The following CNTN6 variants were observed in gnomAD, a reference collection of about 807,000 sequenced individuals.
CNTN6 encodes contactin 6, also known as contactin-6.
CNTN6 carries 137 observed loss-of-function variants against 122.8 expected under a neutral mutation model. The observed-to-expected ratio is 1.12, with a 90% CI of 0.97 to 1.29. The LOEUF (loss-of-function observed/expected upper bound fraction) is 1.29. Ranked by LOEUF, CNTN6 falls within the 50% of genes most tolerant of loss-of-function variation. The pLI is 0.00. For missense variants in CNTN6, 1,634 were observed against 1,223.4 expected (o/e 1.34, Z -5.01); for synonymous variants, 570 against 426.0 (o/e 1.34, Z -4.16).
chr3:1,394,124 G>A, intron 20 of CNTN6: 1 of 171,764 alleles, frequency 5.8e-6, no homozygotes. Flanking sequence ...CGGTCTCATT[G>A]GAGTACTGAG....
At chr3:1,292,223 T>C (rs1440151419) in intron 5 of CNTN6, among the ~76,000 whole-genome samples, 1 of 152,132 alleles carries the variant, frequency 6.6e-6, no homozygotes, top group Non-Finnish European at 1.5e-5. Flanking sequence ...TTCTGGACAT[T>C]GATAGAGAGG....
At chr3:1,115,768 T>C (rs973990442) in intron 1 of CNTN6, among the ~76,000 whole-genome samples, 26 of 151,568 alleles carry the variant, frequency 1.7e-4, no homozygotes, top group Admixed American at 1.1e-3. Flanking sequence ...AATAAATAAA[T>C]AAACAAACAA....
intron 2 of CNTN6, among the ~76,000 whole-genome samples, chr3:1,164,243 G>C (rs1307754152): frequency 1.3e-5 from 2 of 152,190 alleles, no homozygotes; most frequent in African/African-American, 2.4e-5. Context: ...CAGTTTTAGA[G>C]GCAACAGTTC....
intron 1 of CNTN6, among the ~76,000 whole-genome samples, chr3:1,133,241 T>C (rs927804838): frequency 2.0e-5 from 3 of 152,146 alleles, no homozygotes; most frequent in Non-Finnish European, 2.9e-5. Flanking sequence ...TGATAAAAAT[T>C]AGAGAATTCC....
chr3:1,399,492 T>C (rs1339604154), intron 20 of CNTN6, among the ~76,000 whole-genome samples: 1 of 152,112 alleles, frequency 6.6e-6, no homozygotes, highest in Non-Finnish European at 1.5e-5. Context: ...GGGTTTATAT[T>C]GTCAAGAAAT....
chr3:1,308,287 T>TTGTGTG (rs113198519), intron 7 of CNTN6, among the ~76,000 whole-genome samples: 19,755 of 144,758 alleles, frequency 0.14, 1,755 homozygotes, highest in East Asian at 0.43. Context: ...ATGGGGTGTT[T>TTGTGTG]TGTGTGTGTG....
intron 1 of CNTN6, among the ~76,000 whole-genome samples, chr3:1,127,559 C>T (rs929668741): frequency 1.3e-5 from 2 of 151,806 alleles, no homozygotes; most frequent in Non-Finnish European, 2.9e-5. Flanking sequence ...ATAACACTAG[C>T]CAATAATTTG....
chr3:1,187,509 T>G (rs1327284119), intron 2 of CNTN6, among the ~76,000 whole-genome samples: 2 of 152,144 alleles, frequency 1.3e-5, no homozygotes, highest in South Asian at 4.1e-4. Flanking sequence ...GTCCTGGTGT[T>G]ATTCTCCAAG....
At chr3:1,343,006 A>G (rs78369742) in intron 11 of CNTN6, among the ~76,000 whole-genome samples, 3,344 of 152,186 alleles carry the variant, frequency 0.022, 138 homozygotes, top group African/African-American at 0.076. Flanking sequence ...TAAGAGAGTG[A>G]GACCGGACAC....
intron 7 of CNTN6, among the ~76,000 whole-genome samples, chr3:1,320,034 G>T (rs536633263): frequency 6.6e-6 from 1 of 151,340 alleles, no homozygotes; most frequent in African/African-American, 2.4e-5. Flanking sequence ...CGTTCTTATT[G>T]GTTAGTATGC....
chr3:1,372,247 A>AC, intron 12 of CNTN6, 52 bp from the exon 13 acceptor site: 1 of 1,390,760 alleles, frequency 7.2e-7, no homozygotes, highest in Non-Finnish European at 9.8e-7. Flanking sequence ...GTATTTTATA[A>AC]CCATAGGCTA....
chr3:1,259,864 C>T (rs943501904), intron 4 of CNTN6, among the ~76,000 whole-genome samples: 1 of 149,002 alleles, frequency 6.7e-6, no homozygotes, highest in Non-Finnish European at 1.5e-5. Context: ...TATACATACA[C>T]ACACATACAT....
intron 11 of CNTN6, among the ~76,000 whole-genome samples, chr3:1,332,277 T>G (rs192377350): frequency 1.3e-5 from 2 of 152,082 alleles, no homozygotes; most frequent in Admixed American, 1.3e-4. Flanking sequence ...TGAGTCTATG[T>G]CCCTGCACAC....
intron 1 of CNTN6, among the ~76,000 whole-genome samples, chr3:1,093,675 G>T (rs995065930): frequency 6.6e-6 from 1 of 152,144 alleles, no homozygotes; most frequent in Non-Finnish European, 1.5e-5. Flanking sequence ...ACCAAATTTT[G>T]TCTGGCATTT....
chr3:1,356,217 C>T (rs1706530285), intron 12 of CNTN6, among the ~76,000 whole-genome samples: 1 of 151,746 alleles, frequency 6.6e-6, no homozygotes, highest in African/African-American at 2.4e-5. Context: ...TAACAGCAGG[C>T]TATAAAAATG....
intron 1 of CNTN6, among the ~76,000 whole-genome samples, chr3:1,142,232 G>C (rs1559387449): frequency 6.7e-6 from 1 of 150,054 alleles, no homozygotes; most frequent in Non-Finnish European, 1.5e-5. Context: ...AAAAAAACAT[G>C]ATTATTCTGA....
intron 5 of CNTN6, among the ~76,000 whole-genome samples, chr3:1,289,656 G>T (rs9851855): frequency 0.071 from 10,086 of 143,016 alleles, 1,169 homozygotes; most frequent in African/African-American, 0.24. Context: ...TTTATCTTTT[G>T]TTTTGTTTTG....
At chr3:1,185,795 T>C (rs1321797296) in intron 2 of CNTN6, among the ~76,000 whole-genome samples, 8 of 152,188 alleles carry the variant, frequency 5.3e-5, no homozygotes, top group Middle Eastern at 3.2e-3. Context: ...CTTTGTAACA[T>C]TGAGTTATTA....
rs1190585587 is a variant in CNTN6, at chr3:1,261,604, G to C, written c.359-16809G>C. 2.6e-5 allele frequency among the ~76,000 whole-genome samples: 4 copies of C among 152,104 alleles called. No individual in the cohort carries two copies. In the East Asian group the frequency reaches 7.7e-4, roughly 29 times the overall value. On this transcript the variant is annotated intron_variant, in intron 4 of 22. Transcript: ENST00000446702. ...ATTTCTCAGAGCATTCTCAGGCAGA[G>C]CAACCCAAATGGAGGCAGCAAACCC... is the stretch of plus-strand genomic sequence containing the variant.
Sources: gnomAD v4.1 joint callset for allele counts (sites outside exome capture counted in the v4.1 genomes callset) on GRCh38, gnomAD v4.1.1 for gene constraint, MANE v1.5 for transcripts, NCBI Gene and HGNC (gene_info 2026-07-23, HGNC 2026-07-21) for gene names.